The following GREB1L variants were observed in gnomAD, a reference collection of about 807,000 sequenced individuals.
GREB1L encodes the protein GREB1-like protein.
A neutral mutation model predicts 200.8 loss-of-function variants in GREB1L; 17 were observed. That is an observed-to-expected ratio of 0.08 (90% CI 0.06 to 0.13). The LOEUF (loss-of-function observed/expected upper bound fraction) is 0.13. Among genes scored for constraint, GREB1L ranks in the 10% least tolerant of loss-of-function variants. The pLI is 1.00. For missense variants in GREB1L, 1,657 were observed against 2,367.7 expected (o/e 0.70, Z 6.23); for synonymous variants, 789 against 893.0 (o/e 0.88, Z 2.08).
chr18:21,521,131 A>G (rs1348238538), intron 32 of GREB1L, among the ~76,000 whole-genome samples: 1 of 152,094 alleles, frequency 6.6e-6, no homozygotes, highest in Non-Finnish European at 1.5e-5. Flanking sequence ...TGGGAGGCGG[A>G]GCTTGTAGTG....
chr18:21,450,962 G>A (rs1165931546), intron 12 of GREB1L, 61 bp from the exon 13 acceptor site: 2 of 1,494,728 alleles, frequency 1.3e-6, no homozygotes, highest in African/African-American at 2.8e-5. Flanking sequence ...GCCATTATAA[G>A]TAATGTTCCA....
intron 1 of GREB1L, among the ~76,000 whole-genome samples, chr18:21,313,657 T>C (rs1169869840): frequency 1.3e-5 from 2 of 152,238 alleles, no homozygotes; most frequent in Non-Finnish European, 2.9e-5. Context: ...TTGTAGTTTT[T>C]CTAATGTAAT....
chr18:21,477,285 T>A lies in GREB1L; in HGVS notation c.2485T>A (p.Tyr829Asn), dbSNP rs1211536654. 1.3e-6 allele frequency: 2 copies of A among 1,551,590 alleles called. No individual in the cohort carries two copies. Among genetic ancestry groups the A allele is most frequent in the African/African-American group, 2.7e-5 (2 of 73,020 alleles). The change falls in exon 17 of 33, where the codon TAC becomes AAC. Residue 829 changes from tyrosine (Y) to asparagine (N), a missense_variant. Tyr to Asn is a moderately radical substitution (Grantham distance 143). This residue lies in a region of GREB1L where 239 missense variants were observed against 421.8 expected (regional missense o/e 0.57). Coordinates refer to ENST00000424526, the MANE Select transcript of GREB1L (RefSeq NM_001142966.3). Reference protein sequence around the residue: ...LLVLQVSSFPYTLQTQQSRIS... With the variant: ...LLVLQVSSFPNTLQTQQSRIS... ...GGTGCTCCAGGTCAGCTCCTTCCCA[T>A]ACACTCTGCAGACCCAACAGTCCCG...
Position 21,514,790 on chromosome 18 carries a change from C to G in GREB1L, c.4902-627C>G, listed in dbSNP as rs553466165. ...GGAAAGTCATCTCACCTCTCCATAT[C>G]TCAAGTCCATCACCTGTAAAATTAC... is the stretch of plus-strand genomic sequence containing the variant. On this transcript the variant is annotated intron_variant, in intron 28 of 32. Coordinates refer to ENST00000424526, the MANE Select transcript of GREB1L (RefSeq NM_001142966.3). 2.0e-5 allele frequency among the ~76,000 whole-genome samples: 3 copies of G among 152,304 alleles called. No homozygotes were observed. In the South Asian group the frequency reaches 6.2e-4, roughly 32 times the overall value.
intron 1 of GREB1L, among the ~76,000 whole-genome samples, chr18:21,314,214 G>A (rs2038834153): frequency 6.6e-6 from 1 of 152,186 alleles, no homozygotes; most frequent in Admixed American, 6.5e-5. Context: ...TGGTGAGGAT[G>A]CTTCTATTCT....
At chr18:21,465,668 C>G (rs2035236034) in intron 15 of GREB1L, among the ~76,000 whole-genome samples, 1 of 152,100 alleles carries the variant, frequency 6.6e-6, no homozygotes, top group African/African-American at 2.4e-5. Flanking sequence ...AGTTGCTTTT[C>G]ATTGATAATG....
chr18:21,439,062 A>G (rs926758232), intron 7 of GREB1L, among the ~76,000 whole-genome samples: 3 of 152,086 alleles, frequency 2.0e-5, no homozygotes, highest in African/African-American at 7.2e-5. Flanking sequence ...AATAATTCAC[A>G]GCATGCATGT....
intron 15 of GREB1L, among the ~76,000 whole-genome samples, chr18:21,463,991 C>G (rs561120501): frequency 2.0e-5 from 3 of 152,030 alleles, no homozygotes; most frequent in Admixed American, 2.0e-4. Flanking sequence ...AAATTTCTAG[C>G]GTCACAAGGA....
chr18:21,493,865 C>CAAAA (rs35758360), intron 19 of GREB1L, among the ~76,000 whole-genome samples: 28,292 of 38,470 alleles, frequency 0.74, 13,508 homozygotes, highest in South Asian at 0.89. Context: ...GACCCTGTCT[C>CAAAA]AAAAAAAAAA....
chr18:21,415,286 G>T (rs1328668213), intron 7 of GREB1L, among the ~76,000 whole-genome samples: 4 of 152,208 alleles, frequency 2.6e-5, no homozygotes, highest in African/African-American at 9.7e-5. Context: ...AGGCTGAGGT[G>T]AGAGGATTGC....
rs565613540 is a variant in GREB1L at position 21,506,090 on chromosome 18, C to G, written c.4368+141C>G. 1.2e-5 allele frequency: 11 copies of G among 925,642 alleles called. No individual in the cohort carries two copies. The East Asian group carries it at 3.0e-4, about 25-fold the overall frequency. 57.3% of individuals were successfully genotyped at this position (925,642 alleles called of 1,614,324 possible). On this transcript the variant is annotated intron_variant, in intron 25 of 32. Transcript: ENST00000424526. ...AGTTTACTCATAAGAAGGAGCCACT[C>G]ATTGGTGAGAAAAATGCATGAAGGC... is the stretch of plus-strand genomic sequence containing the variant.
At chr18:21,461,884 T>A (rs1471937358) in intron 15 of GREB1L, among the ~76,000 whole-genome samples, 1 of 152,220 alleles carries the variant, frequency 6.6e-6, no homozygotes, top group African/African-American at 2.4e-5. Flanking sequence ...CGTGGCCCTC[T>A]GGTAAAAACA....
chr18:21,473,389 G>A (rs933695383), intron 16 of GREB1L, among the ~76,000 whole-genome samples, 178 bp downstream of exon 16: 3 of 151,982 alleles, frequency 2.0e-5, no homozygotes, highest in African/African-American at 7.3e-5. Context: ...GGCCAACATG[G>A]TGAAACCCCA....
chr18:21,283,227 G>A (rs929963051), intron 1 of GREB1L, among the ~76,000 whole-genome samples: 7 of 152,116 alleles, frequency 4.6e-5, no homozygotes, highest in African/African-American at 1.7e-4. Context: ...GGTAATACCT[G>A]TTAAATTGTT....
chr18:21,251,630 AT>A (rs1200039325), intron 1 of GREB1L, among the ~76,000 whole-genome samples: 1 of 152,220 alleles, frequency 6.6e-6, no homozygotes, highest in Non-Finnish European at 1.5e-5. Context: ...GGGGAAAAAA[AT>A]CTGTACCATA....
intron 7 of GREB1L, among the ~76,000 whole-genome samples, chr18:21,405,449 CCTTATCAGTTG>C (rs1187792971): frequency 6.6e-6 from 1 of 152,156 alleles, no homozygotes; most frequent in Non-Finnish European, 1.5e-5. Context: ...GTTTTAAGAA[CCTTATCAGTTG>C]CTGTAAGGCA....
Position 21,389,518 on chromosome 18 carries a change from G to A in GREB1L, c.355+5115G>A, listed in dbSNP as rs118161687. 3.6e-3 allele frequency among the ~76,000 whole-genome samples: 547 copies of A among 151,904 alleles called. 3 individuals are homozygous for A. Among genetic ancestry groups the A allele is most frequent in the South Asian group, 7.7e-3 (37 of 4,804 alleles). On this transcript the variant is annotated intron_variant, in intron 4 of 32. Coordinates refer to ENST00000424526, the MANE Select transcript of GREB1L (RefSeq NM_001142966.3). ...ATAAATGGGAAAACCCTCAAAGATT[G>A]TAATACTAAAAACTATTTGTGTGGA...
intron 1 of GREB1L, among the ~76,000 whole-genome samples, chr18:21,352,169 T>C (rs2039443344): frequency 6.6e-6 from 1 of 152,090 alleles, no homozygotes; most frequent in Admixed American, 6.6e-5. Context: ...TAAATAAATT[T>C]ATCAAATTCA....
intron 1 of GREB1L, among the ~76,000 whole-genome samples, chr18:21,343,102 A>G (rs1027958960): frequency 6.6e-6 from 1 of 152,070 alleles, no homozygotes; most frequent in Non-Finnish European, 1.5e-5. Flanking sequence ...TTTAGTACCT[A>G]AGTCATGGAC....
Sources: allele counts gnomAD v4.1 joint callset (sites outside exome capture counted in the v4.1 genomes callset), GRCh38; gene constraint gnomAD v4.1.1; regional missense constraint gnomAD v4.1.1; transcripts MANE v1.5; gene names NCBI Gene and HGNC (gene_info 2026-07-23, HGNC 2026-07-21).